The following CACNA2D1 variants were observed in gnomAD, a reference collection of about 807,000 sequenced individuals.
CACNA2D1 encodes voltage-dependent calcium channel subunit alpha-2/delta-1.
Under a neutral mutation model 171.5 loss-of-function variants are expected in CACNA2D1, and 53 were observed. The ratio of observed to expected loss-of-function variants is 0.31; its 90% CI spans 0.25 to 0.39. CACNA2D1 has a LOEUF of 0.39. Ranked by LOEUF, CACNA2D1 falls within the 10% of genes least tolerant of loss-of-function variation. The pLI is 1.00. For missense variants in CACNA2D1, 903 were observed against 1,299.8 expected (o/e 0.69, Z 4.69); for synonymous variants, 442 against 443.1 (o/e 1.00, Z 0.03).
intron 3 of CACNA2D1, among the ~76,000 whole-genome samples, chr7:82,273,260 G>C (rs903176471): frequency 6.6e-6 from 1 of 151,580 alleles, no homozygotes; most frequent in African/African-American, 2.4e-5. Context: ...TATACCTTTT[G>C]ATATAGCTCA....
intron 16 of CACNA2D1, 33 bp from the exon 17 acceptor site, chr7:82,005,872 G>A (rs1799068880): frequency 1.6e-6 from 2 of 1,281,536 alleles, no homozygotes; most frequent in East Asian, 2.3e-5. Flanking sequence ...GGCATTTTAT[G>A]TCAAAAATTT....
chr7:82,301,945 A>G (rs1030925426), intron 3 of CACNA2D1, among the ~76,000 whole-genome samples: 9 of 152,028 alleles, frequency 5.9e-5, no homozygotes, highest in African/African-American at 2.2e-4. Flanking sequence ...TTTTTAGTAG[A>G]GATGGGGTTT....
rs1222650881 is a variant in CACNA2D1 at position 82,038,410 on chromosome 7, A to C, written c.880-175T>G. Among the ~76,000 whole-genome samples, 3 of 152,194 alleles carry C rather than the reference A, an allele frequency of 2.0e-5. No individual in the cohort carries two copies. The East Asian group carries it at 5.8e-4, about 29-fold the overall frequency. On this transcript the variant is annotated intron_variant, in intron 10 of 38. Transcript: ENST00000356860. ...AGAAACCAATGGCTATTTTCATCTG[A>C]GCTACCAACCCATACTGGAACGCTG...
At chr7:82,341,683 A>G (rs1818650280) in intron 2 of CACNA2D1, among the ~76,000 whole-genome samples, 1 of 152,180 alleles carries the variant, frequency 6.6e-6, no homozygotes, top group African/African-American at 2.4e-5. Flanking sequence ...TATTAATTCA[A>G]CTTAGTGTGT....
At chr7:81,989,538 T>G (rs1797316928) in intron 21 of CACNA2D1, among the ~76,000 whole-genome samples, 1 of 152,116 alleles carries the variant, frequency 6.6e-6, no homozygotes, top group African/African-American at 2.4e-5. Flanking sequence ...ATTACAGGTT[T>G]GGAGAGTGAA....
intron 18 of CACNA2D1, among the ~76,000 whole-genome samples, chr7:82,002,344 C>A (rs1266035010): frequency 6.6e-6 from 1 of 152,160 alleles, no homozygotes; most frequent in East Asian, 1.9e-4. Flanking sequence ...TCTGTCCAAG[C>A]CTTCATCTTG....
chr7:82,065,373 T>G (rs1235187407), intron 8 of CACNA2D1, among the ~76,000 whole-genome samples: 8 of 152,140 alleles, frequency 5.3e-5, no homozygotes, highest in Non-Finnish European at 8.8e-5. Flanking sequence ...AGTGGGAAGA[T>G]AAGAGAAGAC....
intron 3 of CACNA2D1, among the ~76,000 whole-genome samples, chr7:82,217,390 C>CATAAATATATATATAT (rs1199331212): frequency 3.7e-5 from 2 of 54,448 alleles, no homozygotes; most frequent in African/African-American, 1.3e-4. Flanking sequence ...CACACACACA[C>CATAAATATATATATAT]ATACATATAT....
chr7:82,381,839 T>G (rs1393699187), intron 1 of CACNA2D1, among the ~76,000 whole-genome samples: 1 of 152,334 alleles, frequency 6.6e-6, no homozygotes, highest in South Asian at 2.1e-4. Context: ...ATCCATGGTC[T>G]ACATATTTGC....
chr7:82,351,379 G>C (rs1384395086), intron 1 of CACNA2D1, among the ~76,000 whole-genome samples: 1 of 151,696 alleles, frequency 6.6e-6, no homozygotes, highest in African/African-American at 2.4e-5. Context: ...GCATTTAAAA[G>C]AATGATGAGC....
At chr7:82,054,615 T>C (rs1013533951) in intron 10 of CACNA2D1, among the ~76,000 whole-genome samples, 4 of 152,224 alleles carry the variant, frequency 2.6e-5, no homozygotes, top group Non-Finnish European at 4.4e-5. Flanking sequence ...TGAATCCTTG[T>C]CTCAGTGACT....
At chr7:81,974,639 T>A in intron 24 of CACNA2D1, 87 bp from the exon 25 acceptor site, 2 of 690,602 alleles carry the variant, frequency 2.9e-6, no homozygotes, top group Non-Finnish European at 5.0e-6. Flanking sequence ...ATTTTTTTTT[T>A]TTATTAGCCA....
chr7:82,408,291 G>A (rs1827278805), intron 1 of CACNA2D1, among the ~76,000 whole-genome samples: 2 of 151,954 alleles, frequency 1.3e-5, no homozygotes, highest in South Asian at 4.2e-4. Context: ...CAAACTGCTG[G>A]GATTACAGGT....
At chr7:82,214,210 T>A (rs1233090630) in intron 3 of CACNA2D1, among the ~76,000 whole-genome samples, 2 of 152,170 alleles carry the variant, frequency 1.3e-5, no homozygotes, top group East Asian at 3.9e-4. Flanking sequence ...TTCAGTCCAT[T>A]GCAACACTGG....
intron 3 of CACNA2D1, among the ~76,000 whole-genome samples, chr7:82,206,235 G>T (rs1233370101): frequency 6.6e-6 from 1 of 151,876 alleles, no homozygotes; most frequent in African/African-American, 2.4e-5. Flanking sequence ...CTTCTTAGTT[G>T]TTGGTAGATA....
intron 1 of CACNA2D1, among the ~76,000 whole-genome samples, chr7:82,362,382 T>C (rs1821170274): frequency 2.0e-5 from 3 of 152,178 alleles, no homozygotes; most frequent in Admixed American, 1.3e-4. Context: ...GTGAATCATA[T>C]GTGATTCAGC....
In CACNA2D1 at chr7:82,312,118, A is replaced by G. The variant is rs560173865; in HGVS notation, c.294+23017T>C. On this transcript the variant is annotated intron_variant, in intron 3 of 38. Transcript: ENST00000356860. The stretch of plus-strand genomic sequence containing the variant: ...CAACTTATGGCCTATATGACTAATC[A>G]TTATCCTTGTTGCACTTTAAACAAA... Among the ~76,000 whole-genome samples, 4 of 152,326 alleles carry G rather than the reference A, an allele frequency of 2.6e-5. No individual in the cohort carries two copies. The South Asian group carries it at 6.2e-4, about 24-fold the overall frequency.
chr7:82,113,254 T>C (rs1211645278), intron 6 of CACNA2D1, among the ~76,000 whole-genome samples: 3 of 152,120 alleles, frequency 2.0e-5, no homozygotes, highest in African/African-American at 7.2e-5. Flanking sequence ...TACAATATTC[T>C]ATGAAGACAG....
intron 38 of CACNA2D1, among the ~76,000 whole-genome samples, chr7:81,951,797 A>C (rs528641986): frequency 6.6e-6 from 1 of 151,968 alleles, no homozygotes; most frequent in Non-Finnish European, 1.5e-5. Flanking sequence ...TGCTATAAAC[A>C]TGCATGCGCA....
Sources: gnomAD v4.1 joint callset for allele counts (sites outside exome capture counted in the v4.1 genomes callset) on GRCh38, gnomAD v4.1.1 for gene constraint, MANE v1.5 for transcripts, NCBI Gene and HGNC (gene_info 2026-07-23, HGNC 2026-07-21) for gene names.